Variants in SLC2A1 observed in about 807,000 individuals in gnomAD.
SLC2A1 encodes solute carrier family 2, facilitated glucose transporter member 1.
A neutral mutation model predicts 46.6 loss-of-function variants in SLC2A1; 4 were observed. That is an observed-to-expected ratio of 0.09 (90% CI 0.04 to 0.20). The LOEUF (loss-of-function observed/expected upper bound fraction) is 0.20, where lower values mean the gene tolerates loss of function less well. SLC2A1 is among the 10% of genes least tolerant of loss of function. SLC2A1 has a pLI of 1.00. For synonymous variants in SLC2A1, 253 were observed against 270.0 expected (o/e 0.94, Z 0.62); for missense variants, 352 against 667.0 (o/e 0.53, Z 5.20).
Position 42,931,092 on chromosome 1 carries a change from T to C in SLC2A1, c.229A>G (p.Met77Val), listed in dbSNP as rs776583130. Residue 77 changes from methionine to valine, a missense_variant, in exon 3 of 10, where the codon ATG becomes GTG. Met to Val is a conservative substitution (Grantham distance 21). Around this residue, in one of 5 missense-constraint regions of SLC2A1, gnomAD observed 97 missense variants for 175.6 expected, o/e 0.55. Transcript: ENST00000426263. ...AGGCCCACAGAGAAGGAGCCAATCA[T>C]GCCCCCAACAGAAAAGATGGCCACT... Reference protein sequence around the residue: ...LSVAIFSVGGMIGSFSVGLFV... With the variant: ...LSVAIFSVGGVIGSFSVGLFV... 3.1e-6 allele frequency: 5 copies of C among 1,614,108 alleles called. No individual in the cohort carries two copies. The highest frequency in any genetic ancestry group is 4.2e-6 in the Non-Finnish European group (5 of 1,180,018).
At position 42,958,772 on chromosome 1, in the gene SLC2A1, C is replaced by A; in HGVS notation, c.-121G>T. 9.4e-7 allele frequency: 1 copy of A among 1,066,456 alleles called. No individual in the cohort carries two copies. The highest frequency in any genetic ancestry group is 1.4e-6 in the Non-Finnish European group (1 of 735,144). 66.1% of individuals were successfully genotyped at this position (1,066,456 alleles called of 1,614,324 possible). ...GGGGACTCCCACTGCGACTCTGACTCCGACCCCCGTCGTTTGGTCTCCTGC... is the reference window on the plus strand; with the variant it reads ...GGGGACTCCCACTGCGACTCTGACTACGACCCCCGTCGTTTGGTCTCCTGC... On this transcript the variant is annotated 5_prime_UTR_variant, in exon 1 of 10. Coordinates refer to ENST00000426263, the MANE Select transcript of SLC2A1 (RefSeq NM_006516.4).
intron 1 of SLC2A1, chr1:42,952,437 A>G: frequency 6.4e-6 from 3 of 471,900 alleles, no homozygotes; most frequent in Non-Finnish European, 1.3e-5. Flanking sequence ...AAGGACTTCC[A>G]TCACCAGGTT....
intron 2 of SLC2A1, among the ~76,000 whole-genome samples, chr1:42,933,237 G>A (rs1472993149): frequency 2.6e-5 from 4 of 152,088 alleles, no homozygotes; most frequent in Non-Finnish European, 4.4e-5. Flanking sequence ...CCTTCAACCC[G>A]TAACTCAAAA....
intron 2 of SLC2A1, among the ~76,000 whole-genome samples, chr1:42,932,670 C>T (rs780728479): frequency 1.3e-5 from 2 of 152,194 alleles, no homozygotes; most frequent in Non-Finnish European, 2.9e-5. Context: ...TCCCTTCCAA[C>T]CCACTGAGGT....
intron 2 of SLC2A1, among the ~76,000 whole-genome samples, chr1:42,934,442 G>T (rs841856): frequency 0.21 from 31,309 of 152,076 alleles, 3,301 homozygotes; most frequent in Middle Eastern, 0.26. Flanking sequence ...AAGAAGCCAC[G>T]CCTGGTTTTC....
chr1:42,929,553 G>A lies in SLC2A1; in HGVS notation c.867+40C>T. The A allele has an allele frequency of 6.4e-7, 1 of 1,572,836 alleles. No homozygotes were observed. The highest frequency in any genetic ancestry group is 1.1e-5 in the South Asian group (1 of 88,816). ...TTCACCATGCACACTTGACCAGAGG[G>A]CTTGGCTGGGGCACAGGAAGGGTGG... On this transcript the variant is annotated intron_variant, in intron 6 of 9. Coordinates refer to ENST00000426263, the MANE Select transcript of SLC2A1 (RefSeq NM_006516.4). The surrounding 1 kb of genome is among the most constrained non-coding windows in gnomAD (Gnocchi z 6.0).
intron 1 of SLC2A1, among the ~76,000 whole-genome samples, chr1:42,943,623 G>A (rs1643620750): frequency 6.6e-6 from 1 of 152,124 alleles, no homozygotes; most frequent in Admixed American, 6.5e-5. Context: ...TCATTTCCCT[G>A]GTGGAGCCAT....
intron 1 of SLC2A1, among the ~76,000 whole-genome samples, chr1:42,946,196 G>C (rs1643653240): frequency 6.6e-6 from 1 of 152,238 alleles, no homozygotes; most frequent in Admixed American, 6.5e-5. Context: ...TGGAGGCCAA[G>C]GACATACCCC....
chr1:42,927,811 G>A lies in SLC2A1; in HGVS notation c.1075-3C>T. ...TAGGACATCCAGGGTAGCTGCTCCT[G>A]TTGAGGATGACGGAGAGGGGGAAAA... is the stretch of plus-strand genomic sequence containing the variant. On this transcript the variant is annotated splice_region_variant and splice_polypyrimidine_tract_variant and intron_variant, in intron 8 of 9. Coordinates refer to ENST00000426263, the MANE Select transcript of SLC2A1 (RefSeq NM_006516.4). This position sits in a 1 kb window ranked among gnomAD's most constrained non-coding sequence, Gnocchi z 5.3. 3 of 1,610,658 alleles carry A rather than the reference G, an allele frequency of 1.9e-6. No homozygotes were observed. The highest frequency in any genetic ancestry group is 1.7e-6 in the Non-Finnish European group (2 of 1,178,064).
At chr1:42,943,117 G>T in intron 2 of SLC2A1, 109 bp downstream of exon 2, 1 of 764,938 alleles carries the variant, frequency 1.3e-6, no homozygotes, top group Non-Finnish European at 2.3e-6. Flanking sequence ...ACAGTACAGT[G>T]CGTTCATATA....
chr1:42,946,346 A>C (rs1207925291), intron 1 of SLC2A1, among the ~76,000 whole-genome samples: 2 of 152,174 alleles, frequency 1.3e-5, no homozygotes, highest in African/African-American at 2.4e-5. Context: ...CCCATGCTCT[A>C]GGTCTCATGC....
At chr1:42,933,363 G>T (rs543152251) in intron 2 of SLC2A1, among the ~76,000 whole-genome samples, 1 of 152,178 alleles carries the variant, frequency 6.6e-6, no homozygotes, top group East Asian at 1.9e-4. Context: ...TGCCTGGAAG[G>T]TACCCCTGGC....
intron 2 of SLC2A1, among the ~76,000 whole-genome samples, chr1:42,942,720 A>C (rs766706079): frequency 6.6e-6 from 1 of 151,952 alleles, no homozygotes; most frequent in Non-Finnish European, 1.5e-5. Flanking sequence ...CAGGTGTTGG[A>C]TACCAGCTCT....
Position 42,958,694 on chromosome 1 carries a change from G to A in SLC2A1, c.-43C>T. ...GGCTCTGGCTGCGCCGGGTACGCGG[G>A]TGGCGACGGGCGTGCGAGCGGCGCT... On this transcript the variant is annotated 5_prime_UTR_variant, in exon 1 of 10. Coordinates refer to ENST00000426263, the MANE Select transcript of SLC2A1 (RefSeq NM_006516.4). 6.5e-7 allele frequency: 1 copy of A among 1,532,456 alleles called. No individual in the cohort carries two copies. The highest frequency in any genetic ancestry group is 1.2e-5 in the South Asian group (1 of 83,436). The allele number at this position is 1,532,456 out of a possible 1,614,324, so 94.9% of individuals were successfully genotyped here.
intron 2 of SLC2A1, among the ~76,000 whole-genome samples, chr1:42,942,683 G>A (rs182773866): frequency 1.3e-5 from 2 of 152,140 alleles, no homozygotes; most frequent in East Asian, 1.9e-4. Context: ...ATGGGTATGA[G>A]TGCAGGCTCA....
At chr1:42,937,126 T>C (rs775208861) in intron 2 of SLC2A1, among the ~76,000 whole-genome samples, 1 of 152,226 alleles carries the variant, frequency 6.6e-6, no homozygotes, top group Non-Finnish European at 1.5e-5. Context: ...TCCCTCTTCC[T>C]TCCCTGCTCC....
chr1:42,931,727 G>A (rs1030225040), intron 2 of SLC2A1, among the ~76,000 whole-genome samples: 2 of 150,794 alleles, frequency 1.3e-5, no homozygotes, highest in African/African-American at 4.9e-5. Flanking sequence ...TACACGGGAG[G>A]CTAAGGCAGA....
Position 42,927,293 on chromosome 1 carries a change from T to G in SLC2A1, c.1279-52A>C. On this transcript the variant is annotated intron_variant, in intron 9 of 9. Transcript: ENST00000426263. The surrounding 1 kb of genome is among the most constrained non-coding windows in gnomAD (Gnocchi z 5.3). ...TGGAGTCATGACCCTACATCCTGGC[T>G]GTAGGACTTTGGATAAGTCACTTTA... 2 of 1,549,460 alleles carry G rather than the reference T, an allele frequency of 1.3e-6. No homozygotes were observed. The highest frequency in any genetic ancestry group is 1.8e-6 in the Non-Finnish European group (2 of 1,123,152).
chr1:42,955,797 G>T (rs1367116118), intron 1 of SLC2A1, among the ~76,000 whole-genome samples: 1 of 152,194 alleles, frequency 6.6e-6, no homozygotes, highest in East Asian at 1.9e-4. Flanking sequence ...CTTGCGTGCT[G>T]CCCAGGAGAG....
Sources: allele counts gnomAD v4.1 joint callset (sites outside exome capture counted in the v4.1 genomes callset), GRCh38; gene constraint gnomAD v4.1.1; regional missense constraint gnomAD v4.1.1; non-coding constraint Gnocchi (gnomAD v3.1); transcripts MANE v1.5; gene names NCBI Gene and HGNC (gene_info 2026-07-23, HGNC 2026-07-21).